The following VRK2 variants were observed in gnomAD, a reference collection of about 807,000 sequenced individuals.
The protein encoded by VRK2 is serine/threonine-protein kinase VRK2.
A neutral mutation model predicts 57.6 loss-of-function variants in VRK2; 60 were observed. That is an observed-to-expected ratio of 1.04 (90% CI 0.85 to 1.29). The LOEUF (loss-of-function observed/expected upper bound fraction) is 1.29, where lower values mean the gene tolerates loss of function less well. Ranked by LOEUF, VRK2 falls within the 50% of genes most tolerant of loss-of-function variation. The pLI is 0.00. For synonymous variants in VRK2, 231 were observed against 199.2 expected, an observed-to-expected ratio of 1.16 and a Z score of -1.35; for missense variants, 705 against 588.1, an observed-to-expected ratio of 1.20 and a Z score of -2.06.
chr2:58,074,352 T>G (rs1317297567), intron 2 of VRK2, among the ~76,000 whole-genome samples: 1 of 152,130 alleles, frequency 6.6e-6, no homozygotes, highest in South Asian at 2.1e-4. Flanking sequence ...TTTGTTATGC[T>G]TGTTCTTTCT....
intron 1 of VRK2, among the ~76,000 whole-genome samples, chr2:57,985,953 A>G (rs1039931882): frequency 6.6e-6 from 1 of 152,184 alleles, no homozygotes; most frequent in African/African-American, 2.4e-5. Context: ...TTAGACATAA[A>G]TCCAACTAAA....
At chr2:58,134,604 C>T (rs559229160) in intron 9 of VRK2, among the ~76,000 whole-genome samples, 153 of 124,550 alleles carry the variant, frequency 1.2e-3, no homozygotes, top group Middle Eastern at 4.6e-3. Flanking sequence ...GGCGACAGAG[C>T]GAGACTCCGT....
rs370971188 is a variant in VRK2 at position 58,108,191 on chromosome 2, TCAGC to T, written c.544-14906_544-14903del. Among the ~76,000 whole-genome samples the T allele has an allele frequency of 9.9e-5, 15 of 152,276 alleles. 1 individual carries two copies. The highest frequency in any genetic ancestry group is 3.6e-4 in the African/African-American group (15 of 41,562). ...CTCTATTTATTGAATCATCACTTACTCAGCCAGTTACACTGTTTTCAGAGTTGTC... is the reference window on the plus strand; with the variant it reads ...CTCTATTTATTGAATCATCACTTACTCAGTTACACTGTTTTCAGAGTTGTC... On this transcript the variant is annotated intron_variant, in intron 7 of 12. Coordinates refer to ENST00000340157, the MANE Select transcript of VRK2 (RefSeq NM_006296.7).
chr2:58,030,546 G>A (rs948688959), intron 2 of VRK2, among the ~76,000 whole-genome samples: 10 of 151,906 alleles, frequency 6.6e-5, no homozygotes, highest in Admixed American at 6.6e-4. Context: ...ATATTTTCTT[G>A]TTTGGCCAGG....
At chr2:58,085,363 G>A (rs1671472482) in intron 4 of VRK2, among the ~76,000 whole-genome samples, 1 of 151,866 alleles carries the variant, frequency 6.6e-6, no homozygotes, top group African/African-American at 2.4e-5. Context: ...ATTGGGGCAA[G>A]GTGTGTGGAA....
In VRK2 at chr2:58,054,840, ACT is replaced by A. The variant is rs553418488; in HGVS notation, c.136+5876_136+5877del. 1.2e-4 allele frequency among the ~76,000 whole-genome samples: 19 copies of A among 152,258 alleles called. No individual in the cohort carries two copies. In the South Asian group the frequency reaches 3.5e-3, roughly 28 times the overall value. ...ATCACATGGACTGTTATTCCTGAACACTCTGTTGTATTCTCCATGAAAAAATA... is the reference window on the plus strand; with the variant it reads ...ATCACATGGACTGTTATTCCTGAACACTGTTGTATTCTCCATGAAAAAATA... On this transcript the variant is annotated intron_variant, in intron 2 of 12. Coordinates refer to ENST00000340157, the MANE Select transcript of VRK2 (RefSeq NM_006296.7).
intron 7 of VRK2, among the ~76,000 whole-genome samples, chr2:58,120,090 T>C (rs1400493955): frequency 1.3e-5 from 2 of 151,926 alleles, no homozygotes; most frequent in Non-Finnish European, 2.9e-5. Flanking sequence ...AAAATGTTTT[T>C]AGGTCTGAAA....
intron 7 of VRK2, among the ~76,000 whole-genome samples, chr2:58,117,373 G>A (rs865975903): frequency 6.6e-6 from 1 of 152,132 alleles, no homozygotes; most frequent in African/African-American, 2.4e-5. Flanking sequence ...AGCCGGACCA[G>A]GTGTGAGGAG....
chr2:58,057,513 T>G (rs998366137), intron 2 of VRK2, among the ~76,000 whole-genome samples: 1 of 151,210 alleles, frequency 6.6e-6, no homozygotes, highest in Non-Finnish European at 1.5e-5. Context: ...CTCTTTCTAA[T>G]AAAACAGTTC....
chr2:58,125,103 C>G (rs1678121680), intron 8 of VRK2, among the ~76,000 whole-genome samples: 1 of 152,080 alleles, frequency 6.6e-6, no homozygotes, highest in African/African-American at 2.4e-5. Flanking sequence ...CATACAGGTT[C>G]TTAAGCATTG....
chr2:58,064,500 CGTT>C, intron 2 of VRK2, among the ~76,000 whole-genome samples: 1 of 152,022 alleles, frequency 6.6e-6, no homozygotes, highest in East Asian at 1.9e-4. Context: ...AAGGCATGTA[CGTT>C]GTTTTTTAAA....
At chr2:57,966,983 C>T (rs561484909) in intron 1 of VRK2, among the ~76,000 whole-genome samples, 4 of 152,054 alleles carry the variant, frequency 2.6e-5, no homozygotes, top group South Asian at 4.2e-4. Flanking sequence ...TAGAAACGTT[C>T]GGTTTGAGAG....
chr2:58,133,014 A>G (rs1458093000), intron 9 of VRK2, among the ~76,000 whole-genome samples: 1 of 152,202 alleles, frequency 6.6e-6, no homozygotes, highest in Non-Finnish European at 1.5e-5. Flanking sequence ...AGTGATGTAT[A>G]AACAGTTTTT....
At chr2:58,129,543 TAATA>T (rs1678860376) in intron 8 of VRK2, among the ~76,000 whole-genome samples, 1 of 152,214 alleles carries the variant, frequency 6.6e-6, no homozygotes, top group Non-Finnish European at 1.5e-5. Flanking sequence ...AGTTAGACAT[TAATA>T]GTCTCAGACT....
At chr2:57,932,152 T>C (rs1213104264) in intron 1 of VRK2, among the ~76,000 whole-genome samples, 1 of 152,144 alleles carries the variant, frequency 6.6e-6, no homozygotes, top group Non-Finnish European at 1.5e-5. Context: ...ATTCTATATA[T>C]AGCATTTTTT....
intron 8 of VRK2, among the ~76,000 whole-genome samples, chr2:58,125,890 A>G (rs10182762): frequency 0.061 from 9,310 of 152,096 alleles, 958 homozygotes; most frequent in African/African-American, 0.21. Context: ...GTTCACTCCT[A>G]TGTTTTACAT....
intron 1 of VRK2, among the ~76,000 whole-genome samples, chr2:57,965,831 T>G (rs1205652331): frequency 6.6e-6 from 1 of 152,170 alleles, no homozygotes; most frequent in Non-Finnish European, 1.5e-5. Flanking sequence ...CCAGCCAGAC[T>G]TCATTGGTCA....
At chr2:58,132,466 A>G (rs1339258031) in intron 9 of VRK2, among the ~76,000 whole-genome samples, 2 of 152,208 alleles carry the variant, frequency 1.3e-5, no homozygotes, top group Admixed American at 6.5e-5. Flanking sequence ...TTAATATTCT[A>G]CATTCAGTTT....
At chr2:57,913,756 T>C (rs1013202342) in intron 1 of VRK2, among the ~76,000 whole-genome samples, 2 of 152,152 alleles carry the variant, frequency 1.3e-5, no homozygotes, top group Admixed American at 6.5e-5. Context: ...CAGAGACATA[T>C]GGAATATTAG....
Sources: allele counts gnomAD v4.1 joint callset (sites outside exome capture counted in the v4.1 genomes callset), GRCh38; gene constraint gnomAD v4.1.1; transcripts MANE v1.5; gene names NCBI Gene and HGNC (gene_info 2026-07-23, HGNC 2026-07-21).